Variants in CACNA1C observed in about 807,000 individuals in gnomAD.
The protein encoded by CACNA1C is calcium voltage-gated channel subunit alpha1 C.
A neutral mutation model predicts 229.0 loss-of-function variants in CACNA1C; 30 were observed. The observed-to-expected ratio is 0.13, with a 90% CI of 0.10 to 0.18. The LOEUF is 0.18. CACNA1C is among the 10% of genes least tolerant of loss of function. The pLI is 1.00. For synonymous variants in CACNA1C, 1,114 were observed against 1,132.5 expected (o/e 0.98, Z 0.33); for missense variants, 1,658 against 2,845.0 (o/e 0.58, Z 9.49).
At chr12:2,337,326 C>T (rs936745265) in intron 3 of CACNA1C, among the ~76,000 whole-genome samples, 1 of 152,216 alleles carries the variant, frequency 6.6e-6, no homozygotes, top group Admixed American at 6.5e-5. Flanking sequence ...TGAACACCCT[C>T]CTTTTCCTTT....
rs1178438128 is a variant in CACNA1C, at chr12:2,688,562, A to G, written c.5900A>G (p.Gln1967Arg). Reference sequence around the variant, plus strand: ...CCTGGCAGCCGAGGCTGGCCCCCACAGCCCGTCCCCACCCTGCGGCTTGAG... The same window carrying G: ...CCTGGCAGCCGAGGCTGGCCCCCACGGCCCGTCCCCACCCTGCGGCTTGAG... ...ATPGSRGWPPQPVPTLRLEGV... is the reference protein window; with the variant it reads ...ATPGSRGWPPRPVPTLRLEGV... Residue 1967 changes from glutamine (Q) to arginine (R), a missense_variant, in exon 46 of 47, where the codon CAG becomes CGG. Transcript: ENST00000399655. 1.9e-6 allele frequency: 3 copies of G among 1,613,820 alleles called. No individual in the cohort carries two copies. The highest frequency in any genetic ancestry group is 2.2e-5 in the South Asian group (2 of 91,082).
intron 3 of CACNA1C, among the ~76,000 whole-genome samples, chr12:2,213,681 A>T (rs1361045030): frequency 6.6e-6 from 1 of 152,194 alleles, no homozygotes; most frequent in Non-Finnish European, 1.5e-5. Context: ...ATCAGAGGCT[A>T]AACGCTAGGC....
chr12:2,162,655 C>G (rs2095947630), intron 3 of CACNA1C, among the ~76,000 whole-genome samples: 1 of 151,866 alleles, frequency 6.6e-6, no homozygotes, highest in Non-Finnish European at 1.5e-5. Context: ...GAGGGGTGAA[C>G]AGTAGGCCTG....
chr12:2,304,908 G>A (rs896310335), intron 3 of CACNA1C, among the ~76,000 whole-genome samples: 2 of 152,192 alleles, frequency 1.3e-5, no homozygotes, highest in Non-Finnish European at 2.9e-5. Context: ...ATGCCCGGGG[G>A]CTTTATGTTT....
chr12:2,035,303 C>T (rs1481775629), intron 1 of CACNA1C, among the ~76,000 whole-genome samples: 1 of 152,232 alleles, frequency 6.6e-6, no homozygotes, highest in Non-Finnish European at 1.5e-5. Context: ...GAAAACCATT[C>T]TTTCCTCTTA....
At chr12:2,336,653 C>T (rs2096705833) in intron 3 of CACNA1C, among the ~76,000 whole-genome samples, 1 of 152,156 alleles carries the variant, frequency 6.6e-6, no homozygotes, top group African/African-American at 2.4e-5. Flanking sequence ...AGGCTCTTTG[C>T]CTGTCCCCGA....
chr12:2,294,250 C>T (rs546491407), intron 3 of CACNA1C, among the ~76,000 whole-genome samples: 89 of 152,070 alleles, frequency 5.9e-4, no homozygotes, highest in Non-Finnish European at 1.2e-3. Context: ...ATCTTAAAGA[C>T]GAGCAGGAGT....
At chr12:2,235,099 C>T (rs1357636730) in intron 3 of CACNA1C, among the ~76,000 whole-genome samples, 1 of 152,210 alleles carries the variant, frequency 6.6e-6, no homozygotes, top group Non-Finnish European at 1.5e-5. Context: ...TCTTCCATTT[C>T]CAGTGTCTCT....
At chr12:2,018,218 G>A (rs2041136) in intron 1 of CACNA1C, 150,342 of 152,322 alleles carry the variant, frequency 0.99, 74,206 homozygotes, top group East Asian at 1. Context: ...GTGGTTTACC[G>A]TGGTGTGCTC....
intron 3 of CACNA1C, among the ~76,000 whole-genome samples, chr12:2,334,832 T>A (rs2096644145): frequency 6.6e-6 from 1 of 152,190 alleles, no homozygotes; most frequent in Non-Finnish European, 1.5e-5. Context: ...TCTTGGCAAT[T>A]TATTTCCCTC....
intron 1 of CACNA1C, among the ~76,000 whole-genome samples, chr12:2,097,330 T>C (rs935300390): frequency 3.0e-4 from 46 of 151,934 alleles, no homozygotes; most frequent in Non-Finnish European, 5.7e-4. Flanking sequence ...GTATTTTTAG[T>C]AGAGACGGGG....
chr12:2,598,660 C>T (rs1262388868), intron 21 of CACNA1C, among the ~76,000 whole-genome samples: 1 of 152,218 alleles, frequency 6.6e-6, no homozygotes, highest in Non-Finnish European at 1.5e-5. Flanking sequence ...TAACCGATGC[C>T]ACTGCCAGCT....
At position 2,319,860 on chromosome 12, in the gene CACNA1C, C is replaced by T. The variant is rs1161407028; in HGVS notation, c.478-129116C>T. Among the ~76,000 whole-genome samples the T allele has an allele frequency of 2.6e-5, 4 of 152,114 alleles. No homozygotes were observed. The highest frequency in any genetic ancestry group is 9.7e-5 in the African/African-American group (4 of 41,404). On this transcript the variant is annotated intron_variant, in intron 3 of 46. Coordinates refer to ENST00000399655, the MANE Select transcript of CACNA1C (RefSeq NM_000719.7). The surrounding 1 kb of genome is among the most constrained non-coding windows in gnomAD (Gnocchi z 4.0). ...GCAGGAGGGGCCCCCAGACATTTCA[C>T]TTCATTCCTTAGGTGTGAGTCATGT...
chr12:2,063,903 G>T (rs1032509008), intron 1 of CACNA1C, among the ~76,000 whole-genome samples: 3 of 152,170 alleles, frequency 2.0e-5, no homozygotes, highest in Admixed American at 6.5e-5. Flanking sequence ...GTTTACCTAG[G>T]AGTGGAATTG....
At chr12:2,559,167 A>T (rs2046185911) in intron 11 of CACNA1C, among the ~76,000 whole-genome samples, 1 of 152,238 alleles carries the variant, frequency 6.6e-6, no homozygotes, top group African/African-American at 2.4e-5. Context: ...TTGTGCTTTA[A>T]CAGTTCCAAA....
chr12:2,374,822 A>G (rs2283305), intron 3 of CACNA1C, among the ~76,000 whole-genome samples: 3,378 of 152,348 alleles, frequency 0.022, 56 homozygotes, highest in East Asian at 0.06. Flanking sequence ...CAGCCGGGAA[A>G]GCAAACAATG....
chr12:2,510,205 G>A (rs2099780631), intron 8 of CACNA1C, among the ~76,000 whole-genome samples: 1 of 152,198 alleles, frequency 6.6e-6, no homozygotes, highest in Non-Finnish European at 1.5e-5. Context: ...CTGTCAGGCT[G>A]GGGCTCCATG....
intron 30 of CACNA1C, among the ~76,000 whole-genome samples, chr12:2,636,963 C>T (rs1266605684): frequency 6.6e-6 from 1 of 152,228 alleles, no homozygotes; most frequent in East Asian, 1.9e-4. Context: ...GTGCATGTGA[C>T]TGACAGCAAG....
chr12:2,604,965 T>C (rs1323240111), intron 22 of CACNA1C, 116 bp from the exon 23 acceptor site: 1 of 768,344 alleles, frequency 1.3e-6, no homozygotes, highest in Admixed American at 2.0e-5. Flanking sequence ...AAGATGGGCT[T>C]TATGTTTTCT....
Sources: gnomAD v4.1 joint callset for allele counts (sites outside exome capture counted in the v4.1 genomes callset) on GRCh38, gnomAD v4.1.1 for gene constraint, Gnocchi (gnomAD v3.1) non-coding constraint, MANE v1.5 for transcripts, NCBI Gene and HGNC (gene_info 2026-07-23, HGNC 2026-07-21) for gene names.